SAMD12: variants seen among roughly 807,000 people sequenced by gnomAD.
SAMD12 encodes sterile alpha motif domain-containing protein 12.
Under a neutral mutation model 15.0 loss-of-function variants are expected in SAMD12, and 9 were observed. That is an observed-to-expected ratio of 0.60 (90% CI 0.36 to 1.05). The LOEUF is 1.05. Ranked by LOEUF, SAMD12 falls within the 50% of genes least tolerant of loss-of-function variation. The probability of loss-of-function intolerance (pLI) is 0.01; values close to 1 mark genes in which losing one functional copy is unlikely to be tolerated. For synonymous variants in SAMD12, 86 were observed against 90.1 expected, an observed-to-expected ratio of 0.96 and a Z score of 0.25; for missense variants, 230 against 234.2, an observed-to-expected ratio of 0.98 and a Z score of 0.12.
intron 4 of SAMD12, among the ~76,000 whole-genome samples, chr8:118,356,103 T>C (rs1205811441): frequency 6.6e-6 from 1 of 152,250 alleles, no homozygotes; most frequent in Admixed American, 6.5e-5. Context: ...TCTGTGCTAA[T>C]AATTACTTTG....
At position 118,596,483 on chromosome 8, in the gene SAMD12, C is replaced by T. The variant is rs963236570; in HGVS notation, c.14-15590G>A. Among the ~76,000 whole-genome samples the T allele has an allele frequency of 2.0e-5, 3 of 152,156 alleles. No individual in the cohort carries two copies. The South Asian group carries it at 6.2e-4, about 32-fold the overall frequency. On this transcript the variant is annotated intron_variant, in intron 1 of 3. Transcript: ENST00000314727. ...CCCTATCCACCTGCTATATCTAATG[C>T]CCACCTCCCACCCAGGTCTCAATCC...
intron 2 of SAMD12, among the ~76,000 whole-genome samples, chr8:118,464,155 T>A (rs1213106836): frequency 1.3e-5 from 2 of 152,100 alleles, no homozygotes; most frequent in Non-Finnish European, 2.9e-5. Flanking sequence ...AATAAATAAA[T>A]AAACAAAGGC....
intron 4 of SAMD12, among the ~76,000 whole-genome samples, chr8:118,304,264 A>G (rs6983634): frequency 0.42 from 63,866 of 152,020 alleles, 14,211 homozygotes; most frequent in African/African-American, 0.58. Context: ...TGGGGAGATA[A>G]TATTTCTTCT....
intron 1 of SAMD12, among the ~76,000 whole-genome samples, chr8:118,597,886 T>A (rs1483205062): frequency 6.6e-6 from 1 of 152,164 alleles, no homozygotes; most frequent in South Asian, 2.1e-4. Context: ...CCAACAAAAA[T>A]TGTAAGTCTT....
In SAMD12 at chr8:118,531,105, G is replaced by A. The variant is rs573882546; in HGVS notation, c.192+49610C>T. 7.9e-5 allele frequency among the ~76,000 whole-genome samples: 12 copies of A among 152,246 alleles called. No individual in the cohort carries two copies. In the East Asian group the frequency reaches 2.1e-3, roughly 27 times the overall value. Reference sequence around the variant, plus strand: ...TAATCCATCTTGAATTGATTTTTGTGTAAGGTGTGAGGAAGGGATCCAGTT... The same window carrying A: ...TAATCCATCTTGAATTGATTTTTGTATAAGGTGTGAGGAAGGGATCCAGTT... On this transcript the variant is annotated intron_variant, in intron 2 of 3. Coordinates refer to ENST00000314727, the MANE Select transcript of SAMD12 (RefSeq NM_207506.3).
chr8:118,406,629 T>C (rs1221846082), intron 3 of SAMD12, among the ~76,000 whole-genome samples: 1 of 152,146 alleles, frequency 6.6e-6, no homozygotes, highest in Admixed American at 6.5e-5. Flanking sequence ...ACCATCATTG[T>C]ACAACAAATA....
the SAMD12 span, among the ~76,000 whole-genome samples, chr8:118,165,034 C>A: frequency 6.7e-6 from 1 of 149,516 alleles, no homozygotes; most frequent in Non-Finnish European, 1.5e-5. Flanking sequence ...TCTCTGCAGA[C>A]AGCAAGGGGT....
chr8:118,290,133 A>G (rs1814283560), intron 4 of SAMD12, among the ~76,000 whole-genome samples: 1 of 152,226 alleles, frequency 6.6e-6, no homozygotes, highest in Admixed American at 6.5e-5. Flanking sequence ...AGCACTGCAC[A>G]TAAGACCAAA....
At chr8:118,133,478 T>C in the SAMD12 span, among the ~76,000 whole-genome samples, 1 of 152,176 alleles carries the variant, frequency 6.6e-6, no homozygotes, top group Non-Finnish European at 1.5e-5. Flanking sequence ...TATTAGCTAT[T>C]CTTCCTGATG....
In SAMD12 at chr8:118,347,607, C is replaced by T. The variant is rs147000287; in HGVS notation, c.433+31953G>A. Among the ~76,000 whole-genome samples the T allele has an allele frequency of 5.3e-4, 80 of 152,296 alleles. 1 individual carries two copies. The Middle Eastern group carries it at 0.01, about 19-fold the overall frequency. On this transcript the variant is annotated intron_variant, in intron 4 of 4. Coordinates refer to the SAMD12 transcript ENST00000409003. The stretch of plus-strand genomic sequence containing the variant: ...TTGAGAAGTACTACACTATAAAAGG[C>T]TGTTTTTTAAATGTATATTTTCCAA...
chr8:118,515,474 T>C (rs1366444638), intron 2 of SAMD12, among the ~76,000 whole-genome samples: 3 of 152,108 alleles, frequency 2.0e-5, no homozygotes, highest in African/African-American at 7.2e-5. Context: ...TCTTATAAAT[T>C]ACCCAGTTTC....
At chr8:118,447,452 G>A (rs1822948022) in intron 2 of SAMD12, among the ~76,000 whole-genome samples, 1 of 151,926 alleles carries the variant, frequency 6.6e-6, no homozygotes, top group Non-Finnish European at 1.5e-5. Flanking sequence ...ACAGGCACCT[G>A]CCACTACGCC....
intron 2 of SAMD12, among the ~76,000 whole-genome samples, chr8:118,506,801 A>C (rs970002736): frequency 6.6e-6 from 1 of 150,416 alleles, no homozygotes; most frequent in Non-Finnish European, 1.5e-5. Flanking sequence ...ATACTAGATG[A>C]TTACATTGGT....
At chr8:118,522,139 C>T (rs541729366) in intron 2 of SAMD12, among the ~76,000 whole-genome samples, 1 of 150,694 alleles carries the variant, frequency 6.6e-6, no homozygotes, top group Non-Finnish European at 1.5e-5. Flanking sequence ...TGACAGTTAA[C>T]AACTACTGAT....
intron 4 of SAMD12, among the ~76,000 whole-genome samples, chr8:118,257,621 C>T (rs1272320899): frequency 6.6e-6 from 1 of 152,038 alleles, no homozygotes; most frequent in Non-Finnish European, 1.5e-5. Context: ...CACAGGTTAG[C>T]CTGCATTCTG....
At chr8:118,323,051 C>G (rs1471593962) in intron 4 of SAMD12, among the ~76,000 whole-genome samples, 1 of 151,996 alleles carries the variant, frequency 6.6e-6, no homozygotes, top group African/African-American at 2.4e-5. Context: ...TGTTGAAGGC[C>G]CTTTAGTCAG....
intron 3 of SAMD12, among the ~76,000 whole-genome samples, chr8:118,438,500 T>C (rs897389258): frequency 1.3e-5 from 2 of 151,060 alleles, no homozygotes; most frequent in Non-Finnish European, 2.9e-5. Flanking sequence ...ATGAAGGGAG[T>C]GGTTTTGGTT....
intron 4 of SAMD12, among the ~76,000 whole-genome samples, chr8:118,216,188 T>C (rs1331923379): frequency 6.0e-5 from 9 of 150,126 alleles, no homozygotes; most frequent in Non-Finnish European, 1.3e-4. Flanking sequence ...CTCATTGTGG[T>C]TTTGATTTGC....
intron 2 of SAMD12, among the ~76,000 whole-genome samples, chr8:118,533,510 T>A (rs1484522178): frequency 1.3e-5 from 2 of 152,202 alleles, no homozygotes; most frequent in African/African-American, 4.8e-5. Flanking sequence ...ACTTTCTGTC[T>A]CGTTGATCTG....
Sources: gnomAD v4.1 joint callset for allele counts (sites outside exome capture counted in the v4.1 genomes callset) on GRCh38, gnomAD v4.1.1 for gene constraint, MANE v1.5 for transcripts, NCBI Gene and HGNC (gene_info 2026-07-23, HGNC 2026-07-21) for gene names.